Variants in MCF2 observed in about 807,000 individuals in gnomAD.
The protein encoded by MCF2 is proto-oncogene DBL.
A neutral mutation model predicts 82.5 loss-of-function variants in MCF2; 44 were observed. That is an observed-to-expected ratio of 0.53 (90% CI 0.42 to 0.69). The LOEUF (loss-of-function observed/expected upper bound fraction) is 0.69, where lower values mean the gene tolerates loss of function less well. MCF2 is among the 30% of genes least tolerant of loss of function. The pLI, the probability that MCF2 is intolerant of heterozygous loss-of-function variation, is 0.00. For missense variants in MCF2, 623 were observed against 663.1 expected (o/e 0.94, Z 0.66); for synonymous variants, 217 against 224.9 (o/e 0.96, Z 0.32).
chrX:139,689,072 C>G (rs930094817), intron 1 of MCF2, among the ~76,000 whole-genome samples: 1 of 111,614 alleles, frequency 9.0e-6, no homozygotes, highest in African/African-American at 3.3e-5. Flanking sequence ...TCGAACACCA[C>G]GACTAGTCAC....
At chrX:139,600,037 T>C (rs1301688137) in intron 16 of MCF2, among the ~76,000 whole-genome samples, 1 of 111,858 alleles carries the variant, frequency 8.9e-6, no homozygotes, top group Non-Finnish European at 1.9e-5. Flanking sequence ...TAAACTATTA[T>C]GCTAAATGAA....
intron 20 of MCF2, 99 bp from the exon 25 acceptor site, chrX:139,588,537 A>T (rs1603273169): frequency 3.9e-6 from 2 of 513,528 alleles, no homozygotes; most frequent in South Asian, 3.5e-5. Context: ...ATAAAATATG[A>T]TCTACTCCCT....
chrX:139,661,742 A>G (rs903397523), intron 1 of MCF2, among the ~76,000 whole-genome samples: 1 of 111,943 alleles, frequency 8.9e-6, no homozygotes, highest in African/African-American at 3.2e-5. Flanking sequence ...AAAACCCTAT[A>G]TTAAGTACCT....
At chrX:139,624,496 G>A (rs1932639108) in intron 6 of MCF2, among the ~76,000 whole-genome samples, 1 of 105,137 alleles carries the variant, frequency 9.5e-6, no homozygotes, top group Admixed American at 1.0e-4. Flanking sequence ...CTATGATTGT[G>A]TCACTGTACT....
At chrX:139,645,061 T>C (rs377121691), upstream of MCF2, among the ~76,000 whole-genome samples, 1 of 110,820 alleles carries the variant, frequency 9.0e-6, no homozygotes, top group East Asian at 2.8e-4. Flanking sequence ...GGGGACTAGA[T>C]ACCAGTAGGG....
chrX:139,617,477 T>C, intron 8 of MCF2, 36 bp downstream of exon 11: 1 of 1,085,622 alleles, frequency 9.2e-7, no homozygotes, highest in Non-Finnish European at 1.2e-6. Context: ...AAATGTGTGT[T>C]CCTTTTCAGA....
At chrX:139,684,473 T>A (rs1935074699) in intron 1 of MCF2, among the ~76,000 whole-genome samples, 1 of 111,917 alleles carries the variant, frequency 8.9e-6, no homozygotes, top group Non-Finnish European at 1.9e-5. Flanking sequence ...TTTCCACACC[T>A]AGATACATAC....
chrX:139,634,833 T>C (rs905761813), intron 1 of MCF2, among the ~76,000 whole-genome samples: 1 of 111,856 alleles, frequency 8.9e-6, no homozygotes, highest in Non-Finnish European at 1.9e-5. Context: ...TGGTGATTCA[T>C]GCCTGTAATC....
At chrX:139,697,551 A>C (rs749186994) in intron 1 of MCF2, among the ~76,000 whole-genome samples, 12 of 112,071 alleles carry the variant, frequency 1.1e-4, no homozygotes, top group Non-Finnish European at 2.1e-4. Context: ...GAGGCTTCTT[A>C]GATGTATGTA....
At chrX:139,667,531 C>T (rs775634734) in intron 1 of MCF2, among the ~76,000 whole-genome samples, 1 of 111,780 alleles carries the variant, frequency 8.9e-6, no homozygotes, top group South Asian at 3.8e-4. Context: ...GTCGTACATC[C>T]AGCCCCTAGG....
chrX:139,629,379 A>G (rs1375894027), intron 4 of MCF2, among the ~76,000 whole-genome samples: 1 of 112,108 alleles, frequency 8.9e-6, no homozygotes, highest in Non-Finnish European at 1.9e-5. Flanking sequence ...GTGGTTCATC[A>G]TTGATCACAA....
At chrX:139,623,395 C>A (rs1471700764) in intron 6 of MCF2, among the ~76,000 whole-genome samples, 1 of 111,023 alleles carries the variant, frequency 9.0e-6, no homozygotes, top group Admixed American at 9.5e-5. Flanking sequence ...TACTATGCAG[C>A]CATAAAAAAA....
intron 1 of MCF2, among the ~76,000 whole-genome samples, chrX:139,687,780 T>C (rs914605449): frequency 4.5e-5 from 5 of 112,241 alleles, no homozygotes; most frequent in Admixed American, 3.8e-4. Context: ...TGATAACTTA[T>C]TTAACTGCAT....
intron 1 of MCF2, among the ~76,000 whole-genome samples, chrX:139,670,676 T>C (rs1030581219): frequency 2.7e-5 from 3 of 112,015 alleles, no homozygotes; most frequent in African/African-American, 9.7e-5. Flanking sequence ...TATTCCATGG[T>C]GTACATGTGC....
chrX:139,679,525 A>G (rs991561105), intron 1 of MCF2, among the ~76,000 whole-genome samples: 1 of 110,751 alleles, frequency 9.0e-6, no homozygotes. Context: ...CCTGTGCAGC[A>G]CTGGGGATAG....
intron 1 of MCF2, among the ~76,000 whole-genome samples, chrX:139,663,401 T>C (rs1934411059): frequency 8.9e-6 from 1 of 111,994 alleles, no homozygotes; most frequent in Admixed American, 9.5e-5. Flanking sequence ...TCTGTAAGTG[T>C]CTGTTAGGTC....
At chrX:139,642,698 C>A (rs1394454174) in exon 1 of MCF2, 51 of 1,055,876 alleles carry the variant, frequency 4.8e-5, no homozygotes, top group Middle Eastern at 3.4e-4. Context: ...AAAAAAAAAA[C>A]CACTATCCCT....
rs1603311253 is a variant in MCF2, at chrX:139,699,600, G to A, written c.-45+8506C>T. 5.4e-5 allele frequency among the ~76,000 whole-genome samples: 6 copies of A among 112,108 alleles called. No individual in the cohort carries two copies. In the Admixed American group the frequency reaches 5.7e-4, roughly 11 times the overall value. On this transcript the variant is annotated intron_variant, in intron 1 of 27. Coordinates refer to the MCF2 transcript ENST00000414978. The stretch of plus-strand genomic sequence containing the variant: ...GGACATTTCATGTAGATGGAATCCT[G>A]TAATATGTAACTTTTATATTTGGAT...
intron 6 of MCF2, among the ~76,000 whole-genome samples, chrX:139,620,469 A>G (rs368490013): frequency 5.4e-5 from 6 of 111,284 alleles, no homozygotes; most frequent in East Asian, 5.7e-4. Flanking sequence ...GAAAACACTA[A>G]AGACTACCAA....
Sources: gnomAD v4.1 joint callset for allele counts (sites outside exome capture counted in the v4.1 genomes callset) on GRCh38, gnomAD v4.1.1 for gene constraint, MANE v1.5 for transcripts, NCBI Gene and HGNC (gene_info 2026-07-23, HGNC 2026-07-21) for gene names.